SCIN: variants seen among roughly 807,000 people sequenced by gnomAD.
SCIN encodes the protein scinderin.
Under a neutral mutation model 91.8 loss-of-function variants are expected in SCIN, and 91 were observed. The observed-to-expected ratio is 0.99, with a 90% CI of 0.84 to 1.18. SCIN has a LOEUF of 1.18. SCIN is among the 50% of genes most tolerant of loss of function. The probability of loss-of-function intolerance (pLI) is 0.00; values close to 1 mark genes in which losing one functional copy is unlikely to be tolerated. For synonymous variants in SCIN, 367 were observed against 312.6 expected (o/e 1.17, Z -1.84); for missense variants, 1,087 against 863.9 (o/e 1.26, Z -3.24).
At chr7:12,612,047 A>G (rs948851691) in intron 4 of SCIN, among the ~76,000 whole-genome samples, 3 of 148,914 alleles carry the variant, frequency 2.0e-5, no homozygotes, top group African/African-American at 5.2e-5. Flanking sequence ...GAAACTCTGT[A>G]CTTTGTAAGA....
At chr7:12,627,105 C>CAA (rs1562623590) in intron 8 of SCIN, among the ~76,000 whole-genome samples, 1 of 151,802 alleles carries the variant, frequency 6.6e-6, no homozygotes, top group Non-Finnish European at 1.5e-5. Context: ...CACACACACA[C>CAA]ACACACACAT....
intron 3 of SCIN, among the ~76,000 whole-genome samples, chr7:12,586,452 C>T (rs1260271033): frequency 1.3e-5 from 2 of 151,974 alleles, no homozygotes; most frequent in African/African-American, 4.8e-5. Flanking sequence ...CATGAGGATG[C>T]CGAGAAAAGG....
intron 9 of SCIN, among the ~76,000 whole-genome samples, chr7:12,630,670 A>C (rs1165211196): frequency 6.6e-6 from 1 of 152,234 alleles, no homozygotes; most frequent in Non-Finnish European, 1.5e-5. Context: ...GCATGTTTGC[A>C]CTGGCAAAGT....
At position 12,574,197 on chromosome 7, in the gene SCIN, A is replaced by C. The variant is rs866003344; in HGVS notation, c.199+3212A>C. On this transcript the variant is annotated intron_variant, in intron 1 of 15. Transcript: ENST00000297029. ...AACAAGTTGTACATCTGTACCAACT[A>C]ATACTACTCAGCAATAAAAAGGAAC... Among the ~76,000 whole-genome samples, 38 of 152,324 alleles carry C rather than the reference A, an allele frequency of 2.5e-4. No homozygotes were observed. The South Asian group carries it at 5.6e-3, about 22-fold the overall frequency.
At position 12,580,100 on chromosome 7, in the gene SCIN, C is replaced by A. The variant is rs141731389; in HGVS notation, c.355-960C>A. On this transcript the variant is annotated intron_variant, in intron 2 of 15. Coordinates refer to ENST00000297029, the MANE Select transcript of SCIN (RefSeq NM_001112706.3). ...ATCTATACCAACTTTTATTGGAGAA[C>A]GGTGGAAATTTAAAATCAATGGAAA... Among the ~76,000 whole-genome samples, 228 of 151,820 alleles carry A rather than the reference C, an allele frequency of 1.5e-3. 1 individual carries two copies. The highest frequency in any genetic ancestry group is 4.3e-3 in the East Asian group (22 of 5,168).
chr7:12,576,652 G>T (rs967791268), intron 1 of SCIN, among the ~76,000 whole-genome samples: 12 of 152,124 alleles, frequency 7.9e-5, no homozygotes, highest in Admixed American at 2.0e-4. Context: ...ACCCACAAGT[G>T]TACTGGAGTT....
At chr7:12,623,571 C>A (rs150956207) in intron 5 of SCIN, among the ~76,000 whole-genome samples, 1 of 152,116 alleles carries the variant, frequency 6.6e-6, no homozygotes, top group African/African-American at 2.4e-5. Context: ...AACTGCAAGA[C>A]ACTCCAGTTA....
chr7:12,590,692 G>A (rs543719573), intron 3 of SCIN, among the ~76,000 whole-genome samples: 12 of 152,090 alleles, frequency 7.9e-5, no homozygotes, highest in South Asian at 2.1e-4. Flanking sequence ...CTGCCTCATC[G>A]GCCTTTCTGT....
At chr7:12,640,572 T>G (rs902143848) in intron 11 of SCIN, 55 bp downstream of exon 11, 4 of 1,431,318 alleles carry the variant, frequency 2.8e-6, no homozygotes, top group East Asian at 2.6e-5. Context: ...CCAATGGACC[T>G]GAGCCATCAG....
In SCIN at chr7:12,570,961, A is replaced by C; in HGVS notation, c.175A>C (p.Thr59Pro). The C allele has an allele frequency of 1.3e-6, 2 of 1,551,142 alleles. No homozygotes were observed. The highest frequency in any genetic ancestry group is 1.7e-6 in the Non-Finnish European group (2 of 1,146,768). The change falls in exon 1 of 16, where the codon ACC (threonine) becomes CCC (proline). Residue 59 changes from threonine (T) to proline (P), a missense_variant. By Grantham distance (38) the Thr-to-Pro change is conservative (BLOSUM62 -1). Coordinates refer to ENST00000297029, the MANE Select transcript of SCIN (RefSeq NM_001112706.3). The part of the protein sequence containing the change: ...LHTAKTSRGF[T>P]YHLHFWLGKE... ...CACGGCCAAGACGAGCCGAGGCTTC[A>C]CCTACCACCTGCACTTCTGGCTCGG...
intron 3 of SCIN, chr7:12,596,498 A>AGATGGT (rs1782844904): frequency 2.2e-6 from 1 of 455,386 alleles, no homozygotes; most frequent in African/African-American, 2.0e-5. Context: ...AGGCAATGTG[A>AGATGGT]TCATTGCTGA....
In SCIN at chr7:12,626,706, A is replaced by T; in HGVS notation, c.1104A>T (p.Ile368=). The T allele has an allele frequency of 6.3e-7, 1 of 1,599,592 alleles. No individual in the cohort carries two copies. The highest frequency in any genetic ancestry group is 8.5e-7 in the Non-Finnish European group (1 of 1,172,714). The change falls in exon 8 of 16, where the codon ATA becomes ATT. Residue 368 remains isoleucine, a synonymous_variant. Coordinates refer to ENST00000297029, the MANE Select transcript of SCIN (RefSeq NM_001112706.3). ...ATGTCACAGAGAAAGTGGCTCAAATAAAACAAATTCCCTTTGATGCCTCAA... is the reference window on the plus strand; with the variant it reads ...ATGTCACAGAGAAAGTGGCTCAAATTAAACAAATTCCCTTTGATGCCTCAA... ...KVYVTEKVAQ[I]KQIPFDASKL...
intron 1 of SCIN, among the ~76,000 whole-genome samples, chr7:12,576,202 G>A (rs1428774912): frequency 6.6e-6 from 1 of 152,054 alleles, no homozygotes; most frequent in Non-Finnish European, 1.5e-5. Context: ...ACATCTTTAT[G>A]GTATTCTCAG....
chr7:12,644,718 A>G lies in SCIN; in HGVS notation c.1881+13A>G. ...TGGAAGATTTGTTGTAAGTGTCCTT[A>G]AAAATAGTGCGATAGGGCTGGTTGC... On this transcript the variant is annotated intron_variant, in intron 13 of 15. Coordinates refer to ENST00000297029, the MANE Select transcript of SCIN (RefSeq NM_001112706.3). 1.3e-6 allele frequency: 2 copies of G among 1,551,536 alleles called. No individual in the cohort carries two copies. The highest frequency in any genetic ancestry group is 1.7e-6 in the Non-Finnish European group (2 of 1,147,114).
chr7:12,621,764 T>G (rs1188500009), intron 4 of SCIN, among the ~76,000 whole-genome samples: 1 of 151,544 alleles, frequency 6.6e-6, no homozygotes, highest in Non-Finnish European at 1.5e-5. Flanking sequence ...AAGATAGGTA[T>G]GTTCCCAGAG....
intron 14 of SCIN, among the ~76,000 whole-genome samples, chr7:12,650,544 C>T (rs1427315903): frequency 6.6e-6 from 1 of 152,012 alleles, no homozygotes; most frequent in Non-Finnish European, 1.5e-5. Flanking sequence ...TTGTTCTGTT[C>T]CCTGCACACA....
In SCIN at chr7:12,578,152, T is replaced by A. The variant is rs369821420; in HGVS notation, c.288T>A (p.Asn96Lys). Residue 96 changes from asparagine to lysine, a missense_variant, in exon 2 of 16, where the codon AAT becomes AAA. By Grantham distance (94) the Asn-to-Lys change is moderately conservative. Transcript: ENST00000297029. ...ATTTGGGTGGCAAGCCAGTGCAGAATAGAGAACTTCAAGGATATGAGTCTA... is the reference window on the plus strand; with the variant it reads ...ATTTGGGTGGCAAGCCAGTGCAGAAAAGAGAACTTCAAGGATATGAGTCTA... ...DDYLGGKPVQ[N>K]RELQGYESND... 631 of 1,551,478 alleles carry A rather than the reference T, an allele frequency of 4.1e-4. No homozygotes were observed. Among genetic ancestry groups the A allele is most frequent in the Non-Finnish European group, 5.1e-4 (590 of 1,146,774 alleles).
chr7:12,608,239 C>A (rs1783118611), intron 4 of SCIN, among the ~76,000 whole-genome samples: 1 of 151,796 alleles, frequency 6.6e-6, no homozygotes, highest in African/African-American at 2.4e-5. Flanking sequence ...TTGTTTTATG[C>A]ATTTAGCAAA....
chr7:12,580,976 A>G, intron 2 of SCIN, 84 bp from the exon 3 acceptor site: 1 of 1,380,130 alleles, frequency 7.2e-7, no homozygotes, highest in Non-Finnish European at 9.8e-7. Context: ...CACCAGCAGT[A>G]TTATTGTGCT....
Sources: allele counts gnomAD v4.1 joint callset (sites outside exome capture counted in the v4.1 genomes callset), GRCh38; gene constraint gnomAD v4.1.1; transcripts MANE v1.5; gene names NCBI Gene and HGNC (gene_info 2026-07-23, HGNC 2026-07-21).